Variants in COL19A1 observed in about 807,000 individuals in gnomAD.
The protein encoded by COL19A1 is collagen type XIX alpha 1 chain, also known as collagen alpha-1(XIX) chain.
In COL19A1, 159 loss-of-function variants were observed where a neutral mutation model predicts 190.2. The observed-to-expected ratio is 0.84, with a 90% CI of 0.73 to 0.95. COL19A1 has a LOEUF of 0.95. Ranked by LOEUF, COL19A1 falls within the 40% of genes least tolerant of loss-of-function variation. The pLI, the probability that COL19A1 is intolerant of heterozygous loss-of-function variation, is 0.00. For synonymous variants in COL19A1, 509 were observed against 458.9 expected, an observed-to-expected ratio of 1.11 and a Z score of -1.39; for missense variants, 1,418 against 1,431.9, an observed-to-expected ratio of 0.99 and a Z score of 0.16.
At chr6:70,018,156 C>G (rs1333281217) in intron 11 of COL19A1, among the ~76,000 whole-genome samples, 1 of 152,066 alleles carries the variant, frequency 6.6e-6, no homozygotes, top group Non-Finnish European at 1.5e-5. Flanking sequence ...ATTGAAAACA[C>G]AGGTTGAAAG....
intron 16 of COL19A1, among the ~76,000 whole-genome samples, chr6:70,106,311 C>A (rs1209821709): frequency 6.9e-6 from 1 of 145,700 alleles, no homozygotes; most frequent in Non-Finnish European, 1.5e-5. Context: ...TAATTTCTGA[C>A]AAATAGCTAA....
chr6:70,181,660 C>CACACAT (rs1766185049), intron 44 of COL19A1, among the ~76,000 whole-genome samples: 1 of 151,122 alleles, frequency 6.6e-6, no homozygotes, highest in Non-Finnish European at 1.5e-5. Context: ...AAAAACAACA[C>CACACAT]ACACACACAC....
At chr6:70,175,684 C>A (rs977146122) in intron 41 of COL19A1, among the ~76,000 whole-genome samples, 3 of 151,874 alleles carry the variant, frequency 2.0e-5, no homozygotes, top group South Asian at 2.1e-4. Flanking sequence ...TATTATTATT[C>A]TTTTAATTTT....
chr6:69,904,608 C>T (rs1051430477), intron 4 of COL19A1, among the ~76,000 whole-genome samples: 6 of 152,150 alleles, frequency 3.9e-5, no homozygotes, highest in Admixed American at 2.0e-4. Context: ...CACTGGGTTC[C>T]CATCAGATGG....
intron 15 of COL19A1, among the ~76,000 whole-genome samples, chr6:70,087,924 A>G (rs1456044105): frequency 2.0e-5 from 3 of 152,208 alleles, no homozygotes; most frequent in Admixed American, 2.0e-4. Flanking sequence ...GGTTGGCCTC[A>G]ATAACATTAA....
At chr6:70,066,121 T>A (rs932553930) in intron 14 of COL19A1, among the ~76,000 whole-genome samples, 54 of 152,180 alleles carry the variant, frequency 3.5e-4, no homozygotes, top group African/African-American at 1.3e-3. Flanking sequence ...AGGAATATAA[T>A]TCATGCTGCT....
At chr6:70,133,110 T>G (rs896548509) in intron 18 of COL19A1, among the ~76,000 whole-genome samples, 1 of 152,222 alleles carries the variant, frequency 6.6e-6, no homozygotes, top group African/African-American at 2.4e-5. Context: ...GTCTTGCTCA[T>G]CTTTGTATCT....
At chr6:69,942,732 T>G (rs1377230414) in intron 9 of COL19A1, among the ~76,000 whole-genome samples, 3 of 123,368 alleles carry the variant, frequency 2.4e-5, no homozygotes, top group African/African-American at 1.0e-4. Flanking sequence ...TGTCATTCCA[T>G]TGTGTGTATG....
intron 11 of COL19A1, among the ~76,000 whole-genome samples, chr6:69,986,250 T>C (rs867407987): frequency 2.6e-5 from 3 of 116,424 alleles, no homozygotes; most frequent in Admixed American, 8.4e-5. Context: ...TATATATATA[T>C]ATACACACAC....
intron 35 of COL19A1, 21 bp from the exon 36 acceptor site, chr6:70,163,322 A>G: frequency 6.2e-7 from 1 of 1,609,586 alleles, no homozygotes; most frequent in Non-Finnish European, 8.5e-7. Flanking sequence ...TCTGTAACAA[A>G]CTTAGTTTTG....
At chr6:70,009,857 A>C (rs577837667) in intron 11 of COL19A1, among the ~76,000 whole-genome samples, 17 of 139,336 alleles carry the variant, frequency 1.2e-4, no homozygotes, top group Admixed American at 2.7e-4. Context: ...TTTTTCAACA[A>C]CCCTTTTATA....
intron 1 of COL19A1, among the ~76,000 whole-genome samples, chr6:69,877,224 C>A (rs924492557): frequency 4.6e-5 from 7 of 152,096 alleles, no homozygotes; most frequent in African/African-American, 1.4e-4. Flanking sequence ...CTGCAATTAC[C>A]AAATACACTG....
intron 13 of COL19A1, among the ~76,000 whole-genome samples, chr6:70,034,759 A>G (rs1006302398): frequency 2.0e-5 from 3 of 152,226 alleles, no homozygotes; most frequent in Admixed American, 1.3e-4. Flanking sequence ...TGATCTTGAA[A>G]AGGAAATTAA....
intron 15 of COL19A1, among the ~76,000 whole-genome samples, chr6:70,071,741 G>T (rs1582839682): frequency 1.3e-5 from 2 of 151,994 alleles, no homozygotes; most frequent in South Asian, 4.1e-4. Context: ...GAACAGAATG[G>T]CATTGGGGGT....
intron 4 of COL19A1, among the ~76,000 whole-genome samples, chr6:69,902,472 G>A (rs568523865): frequency 3.9e-5 from 6 of 152,248 alleles, no homozygotes; most frequent in Non-Finnish European, 5.9e-5. Context: ...CCCAAAGACC[G>A]CTTTTGCAGG....
At chr6:70,039,151 AC>A (rs1324981225) in intron 14 of COL19A1, among the ~76,000 whole-genome samples, 1 of 152,142 alleles carries the variant, frequency 6.6e-6, no homozygotes, top group Non-Finnish European at 1.5e-5. Context: ...TGTACCACAT[AC>A]CAATAAAGCC....
chr6:70,068,872 T>C (rs1781399099), intron 15 of COL19A1, among the ~76,000 whole-genome samples: 1 of 152,140 alleles, frequency 6.6e-6, no homozygotes, highest in African/African-American at 2.4e-5. Flanking sequence ...CACTGGCTTT[T>C]CATAACTCTC....
At chr6:70,023,548 C>A in intron 11 of COL19A1, 79 bp from the exon 12 acceptor site, 3 of 1,176,026 alleles carry the variant, frequency 2.6e-6, no homozygotes, top group Non-Finnish European at 3.6e-6. Context: ...TATAAATACC[C>A]AACCAACATA....
chr6:69,891,026 C>A, intron 2 of COL19A1: 1 of 358,416 alleles, frequency 2.8e-6, no homozygotes, highest in South Asian at 2.4e-5. Flanking sequence ...GGGCCATTGT[C>A]AGAGGCTCCA....
Sources: allele counts gnomAD v4.1 joint callset (sites outside exome capture counted in the v4.1 genomes callset), GRCh38; gene constraint gnomAD v4.1.1; transcripts MANE v1.5; gene names NCBI Gene and HGNC (gene_info 2026-07-23, HGNC 2026-07-21).